The following SGCZ variants were observed in gnomAD, a reference collection of about 807,000 sequenced individuals.
The protein encoded by SGCZ is sarcoglycan zeta, also known as zeta-sarcoglycan.
A neutral mutation model predicts 41.3 loss-of-function variants in SGCZ; 40 were observed. The ratio of observed to expected loss-of-function variants is 0.97; its 90% CI spans 0.75 to 1.26. SGCZ has a LOEUF of 1.26. SGCZ is among the 50% of genes most tolerant of loss of function. The pLI is 0.00. For missense variants in SGCZ, 552 were observed against 369.8 expected (o/e 1.49, Z -4.04); for synonymous variants, 206 against 137.5 (o/e 1.50, Z -3.49).
At chr8:14,579,249 C>CT (rs1372660777) in intron 1 of SGCZ, among the ~76,000 whole-genome samples, 2 of 152,124 alleles carry the variant, frequency 1.3e-5, no homozygotes, top group Non-Finnish European at 2.9e-5. Context: ...ATCAGTTACT[C>CT]TATCAAGATA....
chr8:14,913,500 C>G lies in SGCZ; in HGVS notation c.39+324085G>C, dbSNP rs73517347. Among the ~76,000 whole-genome samples, 307 of 152,130 alleles carry G rather than the reference C, an allele frequency of 2.0e-3. 2 individuals are homozygous for G. Among genetic ancestry groups the G allele is most frequent in the African/African-American group, 7.0e-3 (292 of 41,526 alleles). ...TTGTTTAAAGCATAATATCTTTGTT[C>G]ATAATAAACTTTTATTATGTAGGCC... On this transcript the variant is annotated intron_variant, in intron 1 of 7. Transcript: ENST00000382080.
rs1809482090 is a variant in SGCZ, at chr8:14,710,500, G to C, written c.40-155574C>G. On this transcript the variant is annotated intron_variant, in intron 1 of 7. Coordinates refer to ENST00000382080, the MANE Select transcript of SGCZ (RefSeq NM_139167.4). ...AGTGATTCTGAGAAACCGATCCTTG[G>C]CCTATGATTAATAATTTAGAAATTC... Among the ~76,000 whole-genome samples, 2 of 151,870 alleles carry C rather than the reference G, an allele frequency of 1.3e-5. 1 individual carries two copies. Among genetic ancestry groups the C allele is most frequent in the Middle Eastern group, 6.8e-3 (2 of 292 alleles).
Position 14,378,248 on chromosome 8 carries a change from T to C in SGCZ, c.235-54044A>G, listed in dbSNP as rs1384974513. Among the ~76,000 whole-genome samples, 5 of 151,716 alleles carry C rather than the reference T, an allele frequency of 3.3e-5. No individual in the cohort carries two copies. The East Asian group carries it at 7.7e-4, about 23-fold the overall frequency. ...TAACTGGTGTGAGATGGTATCTCAT[T>C]GTGGTTTTGATTTGCATTTCTCTGA... On this transcript the variant is annotated intron_variant, in intron 2 of 7. Transcript: ENST00000382080.
intron 1 of SGCZ, among the ~76,000 whole-genome samples, chr8:15,082,082 A>G (rs182803150): frequency 6.6e-6 from 1 of 152,156 alleles, no homozygotes; most frequent in African/African-American, 2.4e-5. Context: ...TACAAAAATT[A>G]GCTGGGCATG....
At chr8:14,867,371 A>T (rs1803970208) in intron 1 of SGCZ, among the ~76,000 whole-genome samples, 1 of 151,982 alleles carries the variant, frequency 6.6e-6, no homozygotes, top group Non-Finnish European at 1.5e-5. Context: ...ATTTAGGTTG[A>T]TTTCATGTAT....
At chr8:14,971,677 G>A (rs1238852215) in intron 1 of SGCZ, among the ~76,000 whole-genome samples, 1 of 139,092 alleles carries the variant, frequency 7.2e-6, no homozygotes, top group Non-Finnish European at 1.5e-5. Context: ...ATGCGACGGA[G>A]TCCTGCTCTG....
chr8:14,328,385 T>C (rs1802197109), intron 2 of SGCZ, among the ~76,000 whole-genome samples: 1 of 151,446 alleles, frequency 6.6e-6, no homozygotes, highest in African/African-American at 2.5e-5. Context: ...CACCTAGACC[T>C]TGTCTTGGTT....
chr8:14,216,314 C>G (rs1310446309), intron 4 of SGCZ, among the ~76,000 whole-genome samples: 1 of 152,152 alleles, frequency 6.6e-6, no homozygotes, highest in Non-Finnish European at 1.5e-5. Context: ...CCTATACTTT[C>G]TCCTACCACC....
chr8:14,991,470 T>C (rs557311068), intron 1 of SGCZ, among the ~76,000 whole-genome samples: 42 of 152,306 alleles, frequency 2.8e-4, no homozygotes, highest in African/African-American at 9.4e-4. Flanking sequence ...ACCTAAATTC[T>C]AGGGCTTTGA....
chr8:14,883,558 A>G (rs1050777215), intron 1 of SGCZ, among the ~76,000 whole-genome samples: 3 of 152,092 alleles, frequency 2.0e-5, no homozygotes, highest in African/African-American at 4.8e-5. Context: ...TCACTTGTCC[A>G]AGATCAAATG....
chr8:14,231,420 C>T (rs188573823), intron 4 of SGCZ, among the ~76,000 whole-genome samples: 1 of 152,004 alleles, frequency 6.6e-6, no homozygotes, highest in South Asian at 2.1e-4. Flanking sequence ...ATTTCAGAAA[C>T]AAACAGGTCC....
chr8:14,553,103 G>A (rs1219016523), intron 2 of SGCZ, among the ~76,000 whole-genome samples: 1 of 152,066 alleles, frequency 6.6e-6, no homozygotes, highest in Non-Finnish European at 1.5e-5. Flanking sequence ...ATGTGCAGGA[G>A]CATAAACATT....
chr8:14,480,342 C>T (rs1224638242), intron 2 of SGCZ, among the ~76,000 whole-genome samples: 2 of 152,150 alleles, frequency 1.3e-5, no homozygotes, highest in Non-Finnish European at 2.9e-5. Context: ...CTCTTTTCTT[C>T]AGGACACCAT....
intron 4 of SGCZ, among the ~76,000 whole-genome samples, chr8:14,191,603 A>T (rs1421361969): frequency 6.6e-6 from 1 of 152,178 alleles, no homozygotes; most frequent in African/African-American, 2.4e-5. Context: ...TGTAAAACTC[A>T]AACACACCTG....
At chr8:14,692,122 A>G (rs1808819035) in intron 1 of SGCZ, among the ~76,000 whole-genome samples, 1 of 152,028 alleles carries the variant, frequency 6.6e-6, no homozygotes, top group Non-Finnish European at 1.5e-5. Flanking sequence ...ATTAAGAAAA[A>G]TAAAATCCCG....
At chr8:14,325,747 C>CATATATATATATATATATATAT (rs370021799) in intron 2 of SGCZ, among the ~76,000 whole-genome samples, 1 of 69,456 alleles carries the variant, frequency 1.4e-5, no homozygotes, top group African/African-American at 4.5e-5. Flanking sequence ...CACACACACA[C>CATATATATATATATATATATAT]ATATATATAT....
chr8:14,279,116 T>C (rs1320827124), intron 3 of SGCZ, among the ~76,000 whole-genome samples: 1 of 152,082 alleles, frequency 6.6e-6, no homozygotes, highest in Non-Finnish European at 1.5e-5. Context: ...TTGAATTCCC[T>C]AGAAATCAGA....
At chr8:15,011,835 A>G (rs1585470793) in intron 1 of SGCZ, among the ~76,000 whole-genome samples, 1 of 152,190 alleles carries the variant, frequency 6.6e-6, no homozygotes, top group Admixed American at 6.5e-5. Flanking sequence ...AATTAATTAT[A>G]TTGATGGTGG....
At chr8:14,591,816 A>T (rs1805249439) in intron 1 of SGCZ, among the ~76,000 whole-genome samples, 1 of 152,150 alleles carries the variant, frequency 6.6e-6, no homozygotes, top group Non-Finnish European at 1.5e-5. Context: ...TTAAGTCAGC[A>T]TGTCTCTTCT....
Sources: allele counts gnomAD v4.1 joint callset (sites outside exome capture counted in the v4.1 genomes callset), GRCh38; gene constraint gnomAD v4.1.1; transcripts MANE v1.5; gene names NCBI Gene and HGNC (gene_info 2026-07-23, HGNC 2026-07-21).